Variants in PRKAB1 observed in about 807,000 individuals in gnomAD.
PRKAB1 encodes the protein 5'-AMP-activated protein kinase subunit beta-1.
Under a neutral mutation model 32.0 loss-of-function variants are expected in PRKAB1, and 18 were observed. The ratio of observed to expected loss-of-function variants is 0.56; its 90% CI spans 0.39 to 0.83. The LOEUF (loss-of-function observed/expected upper bound fraction) is 0.83. PRKAB1 is among the 40% of genes least tolerant of loss of function. The pLI is 0.00. For synonymous variants in PRKAB1, 141 were observed against 141.4 expected (o/e 1.00, Z 0.02); for missense variants, 263 against 352.6 (o/e 0.75, Z 2.03).
intron 4 of PRKAB1, among the ~76,000 whole-genome samples, chr12:119,675,981 A>C (rs1347921917): frequency 6.6e-6 from 1 of 152,212 alleles, no homozygotes; most frequent in Non-Finnish European, 1.5e-5. Context: ...AGAGTTTGGA[A>C]GGAACTTGAG....
At chr12:119,673,763 T>C in intron 2 of PRKAB1, 1 of 451,634 alleles carries the variant, frequency 2.2e-6, no homozygotes, top group Non-Finnish European at 3.9e-6. Context: ...TTCAGGAAAC[T>C]GTGTCGCACT....
intron 1 of PRKAB1, among the ~76,000 whole-genome samples, chr12:119,669,032 G>A (rs1168767842): frequency 6.6e-6 from 1 of 151,658 alleles, no homozygotes; most frequent in Non-Finnish European, 1.5e-5. Context: ...CAGGAGAATG[G>A]CGTGAACCCG....
chr12:119,670,533 G>T, intron 1 of PRKAB1, among the ~76,000 whole-genome samples: 1 of 152,288 alleles, frequency 6.6e-6, no homozygotes, highest in Non-Finnish European at 1.5e-5. Context: ...ATGACTTGAC[G>T]TCCTTTCCCC....
At position 119,680,323 on chromosome 12, in the gene PRKAB1, T is replaced by C; in HGVS notation, c.811T>C (p.Ter271ArgextTer98). 2 of 1,613,866 alleles carry C rather than the reference T, an allele frequency of 1.2e-6. No individual in the cohort carries two copies. Among genetic ancestry groups the C allele is most frequent in the African/African-American group, 1.3e-5 (1 of 75,052 alleles). ...CACCACCTTGTTATACAAGCCCATA[T>C]GAAGAGCTGGGGGCGGATGGTGGCC... ...YVTTLLYKPI[*>R] The change falls in exon 7 of 7, where the codon TGA becomes CGA. Residue 271 changes from the stop codon to arginine (R), a stop_lost. Transcript: ENST00000229328.
chr12:119,680,683 CT>C lies in PRKAB1; in HGVS notation c.*361del, dbSNP rs1955458586. The C allele has an allele frequency of 4.5e-6, 1 of 224,380 alleles. No homozygotes were observed. The highest frequency in any genetic ancestry group is 2.3e-5 in the African/African-American group (1 of 44,362). The allele number at this position is 224,380 out of a possible 1,614,324, so 13.9% of individuals were successfully genotyped here. On this transcript the variant is annotated 3_prime_UTR_variant, in exon 7 of 7. Coordinates refer to ENST00000229328, the MANE Select transcript of PRKAB1 (RefSeq NM_006253.5). ...TTAAGCCAAAAATGAATGCTAACTC[CT>C]TTGCCAGTAAAATTCTGGGAAACAG...
chr12:119,677,814 G>T (rs1218056863), intron 5 of PRKAB1: 1 of 145,456 alleles, frequency 6.9e-6, no homozygotes, highest in Non-Finnish European at 1.5e-5. Flanking sequence ...GCCCAGGCTG[G>T]AGTGCTGTGG....
chr12:119,679,790 C>G lies in PRKAB1; in HGVS notation c.667-143C>G. On this transcript the variant is annotated intron_variant, in intron 5 of 6. Transcript: ENST00000229328. The surrounding 1 kb of genome is among the most constrained non-coding windows in gnomAD (Gnocchi z 4.1). ...CCTTCATCTCACCTGTCGTCTTGGA[C>G]AAGCCCTTGCGCTGCCTGATTTGGG... is the stretch of plus-strand genomic sequence containing the variant. 2.4e-6 allele frequency: 2 copies of G among 831,932 alleles called. No individual in the cohort carries two copies. The highest frequency in any genetic ancestry group is 3.9e-5 in the Admixed American group (2 of 50,664). The allele number at this position is 831,932 out of a possible 1,614,324, so 51.5% of individuals were successfully genotyped here. A position where few individuals can be genotyped will look rare whatever the true frequency, so the allele number is the denominator to read the frequency against.
At chr12:119,673,886 G>A in intron 2 of PRKAB1, 78 bp from the exon 3 acceptor site, 1 of 1,205,214 alleles carries the variant, frequency 8.3e-7, no homozygotes, top group Non-Finnish European at 1.2e-6. Flanking sequence ...GAAACGTTTT[G>A]TTCTGTAGCT....
intron 4 of PRKAB1, among the ~76,000 whole-genome samples, chr12:119,675,613 C>T (rs1955418695): frequency 6.6e-6 from 1 of 152,202 alleles, no homozygotes; most frequent in South Asian, 2.1e-4. Flanking sequence ...AAGCTAATTC[C>T]ACGTTCTCTA....
Position 119,668,287 on chromosome 12 carries a change from G to A in PRKAB1, c.43G>A (p.Gly15Ser), listed in dbSNP as rs746047315. 1 of 1,610,890 alleles carries A rather than the reference G, an allele frequency of 6.2e-7. No homozygotes were observed. Among genetic ancestry groups the A allele is most frequent in the Admixed American group, 1.7e-5 (1 of 59,364 alleles). Residue 15 changes from glycine (G) to serine (S), a missense_variant, in exon 1 of 7, where the codon GGT (glycine) becomes AGT (serine). Physicochemically the swap from Gly to Ser is moderately conservative, Grantham distance 56 (BLOSUM62 0). Transcript: ENST00000229328. ...TGAGCGCGCCGCGCTGGAGCGGCATGGTGGCCATAAGACGCCCCGGAGGGA... is the reference window on the plus strand; with the variant it reads ...TGAGCGCGCCGCGCTGGAGCGGCATAGTGGCCATAAGACGCCCCGGAGGGA... ...SSERAALERHGGHKTPRRDSS... is the reference protein window; with the variant it reads ...SSERAALERHSGHKTPRRDSS...
intron 6 of PRKAB1, 25 bp downstream of exon 6, chr12:119,680,026 G>A (rs371363124): frequency 1.2e-6 from 2 of 1,603,240 alleles, no homozygotes; most frequent in East Asian, 2.2e-5. Flanking sequence ...GTCCCCATGA[G>A]AGCTGTGTTG....
At chr12:119,677,752 GTGAGGTTTGTTTTTTTTTTTTTTTTTTTT>G (rs1256293374) in intron 5 of PRKAB1, 2 of 144,434 alleles carry the variant, frequency 1.4e-5, no homozygotes, top group Non-Finnish European at 3.0e-5. Context: ...TCCTAAGCTA[GTGAGGTTTGTTTTTTTTTTTTTTTTTTTT>G]TGAGACGGAG....
chr12:119,669,185 TC>T (rs1402981980), intron 1 of PRKAB1, among the ~76,000 whole-genome samples: 1 of 151,610 alleles, frequency 6.6e-6, no homozygotes, highest in Non-Finnish European at 1.5e-5. Flanking sequence ...GGTCTCGAAC[TC>T]CCGGGTTCAA....
At position 119,674,072 on chromosome 12, in the gene PRKAB1, A is replaced by C. The variant is rs1021020896; in HGVS notation, c.417+15A>C. The C allele has an allele frequency of 6.2e-7, 1 of 1,609,190 alleles. No individual in the cohort carries two copies. Among genetic ancestry groups the C allele is most frequent in the Non-Finnish European group, 8.5e-7 (1 of 1,176,726 alleles). On this transcript the variant is annotated intron_variant, in intron 3 of 6. Coordinates refer to ENST00000229328, the MANE Select transcript of PRKAB1 (RefSeq NM_006253.5). The surrounding 1 kb of genome is among the most constrained non-coding windows in gnomAD (Gnocchi z 4.3). ...ACCCTTCCGAGGTACTCTTCCTCCC[A>C]CCTCTGGTCCTCTGGGTGCCCGCAC...
intron 5 of PRKAB1, chr12:119,677,256 T>C (rs1175828356): frequency 1.3e-5 from 2 of 152,302 alleles, no homozygotes; most frequent in African/African-American, 4.8e-5. Flanking sequence ...AATCCAGGAA[T>C]TCAGCTTGGT....
chr12:119,674,591 C>T lies in PRKAB1; in HGVS notation c.532+137C>T, dbSNP rs77855571. ...ATTTATAGCCCCCACTTAAAGGCCA[C>T]AGAACTTAATTCCTGTCAGGTTGTT... On this transcript the variant is annotated intron_variant, in intron 4 of 6. Coordinates refer to ENST00000229328, the MANE Select transcript of PRKAB1 (RefSeq NM_006253.5). This position sits in a 1 kb window ranked among gnomAD's most constrained non-coding sequence, Gnocchi z 4.3. 3.8e-4 allele frequency: 228 copies of T among 592,610 alleles called. 3 individuals are homozygous for T. In the East Asian group the frequency reaches 6.8e-3, roughly 18 times the overall value. 36.7% of individuals were successfully genotyped at this position (592,610 alleles called of 1,614,324 possible). A position where few individuals can be genotyped will look rare whatever the true frequency, so the allele number is the denominator to read the frequency against.
intron 4 of PRKAB1, among the ~76,000 whole-genome samples, chr12:119,675,705 A>G (rs993055253): frequency 2.6e-5 from 4 of 152,056 alleles, no homozygotes; most frequent in African/African-American, 9.7e-5. Flanking sequence ...TGCTTTTCTC[A>G]GTTTCTTGCT....
chr12:119,672,229 G>A (rs1264245472), intron 1 of PRKAB1, 72 bp from the exon 2 acceptor site: 4 of 1,396,190 alleles, frequency 2.9e-6, no homozygotes, highest in Non-Finnish European at 3.8e-6. Context: ...TGCGTCTTTA[G>A]AATGAATTGT....
rs1565877778 is a variant in PRKAB1 at position 119,680,456 on chromosome 12, T to TG, written c.*133dup. ...TTCAGAAGACATTTCATACCTGCCC[T>TG]GGTCCTGCTTGAAGGTTTGTCCAGG... On this transcript the variant is annotated 3_prime_UTR_variant, in exon 7 of 7. Transcript: ENST00000229328. The TG allele has an allele frequency of 1.1e-5, 10 of 943,146 alleles. No homozygotes were observed. The highest frequency in any genetic ancestry group is 8.0e-6 in the Non-Finnish European group (5 of 621,288). The allele number at this position is 943,146 out of a possible 1,614,324, so 58.4% of individuals were successfully genotyped here. A position where few individuals can be genotyped will look rare whatever the true frequency, so the allele number is the denominator to read the frequency against.
Sources: allele counts gnomAD v4.1 joint callset (sites outside exome capture counted in the v4.1 genomes callset), GRCh38; gene constraint gnomAD v4.1.1; non-coding constraint Gnocchi (gnomAD v3.1); transcripts MANE v1.5; gene names NCBI Gene and HGNC (gene_info 2026-07-23, HGNC 2026-07-21).